The following RPIA variants were observed in gnomAD, a reference collection of about 807,000 sequenced individuals.
RPIA encodes ribose-5-phosphate isomerase.
Under a neutral mutation model 37.8 loss-of-function variants are expected in RPIA, and 29 were observed. The ratio of observed to expected loss-of-function variants is 0.77; its 90% CI spans 0.57 to 1.05. RPIA has a LOEUF of 1.05. Among genes scored for constraint, RPIA ranks in the 50% least tolerant of loss-of-function variants. RPIA has a pLI of 0.00. For synonymous variants in RPIA, 167 were observed against 157.0 expected (o/e 1.06, Z -0.48); for missense variants, 385 against 413.6 (o/e 0.93, Z 0.60).
intron 3 of RPIA, among the ~76,000 whole-genome samples, chr2:88,704,678 T>C (rs1672876542): frequency 1.3e-5 from 2 of 152,056 alleles, no homozygotes; most frequent in Non-Finnish European, 1.5e-5. Flanking sequence ...AAGGGTCATC[T>C]CTCTCACCGC....
At chr2:88,739,420 G>T (rs1472081171) in intron 8 of RPIA, among the ~76,000 whole-genome samples, 1 of 152,130 alleles carries the variant, frequency 6.6e-6, no homozygotes, top group Admixed American at 6.5e-5. Context: ...TAAGGTTGTT[G>T]GGTGGATTAA....
intron 3 of RPIA, among the ~76,000 whole-genome samples, chr2:88,709,929 T>C (rs1356185974): frequency 6.6e-6 from 1 of 152,236 alleles, no homozygotes; most frequent in Non-Finnish European, 1.5e-5. Context: ...TTCTGCCTCG[T>C]CCTGGGGGAC....
chr2:88,723,687 C>T (rs1452510159), intron 3 of RPIA, among the ~76,000 whole-genome samples: 1 of 152,138 alleles, frequency 6.6e-6, no homozygotes, highest in Non-Finnish European at 1.5e-5. Context: ...CCCTGAAAAT[C>T]TGAGACAGGT....
chr2:88,720,786 C>A lies in RPIA; in HGVS notation c.403-8492C>A, dbSNP rs903328321. ...TTGGTGAGAGTGTAAATTAGTTCAA[C>A]CATTGTGGAAGACAGTGTGGCAATT... On this transcript the variant is annotated intron_variant, in intron 3 of 8. Coordinates refer to ENST00000283646, the MANE Select transcript of RPIA (RefSeq NM_144563.3). Among the ~76,000 whole-genome samples, 16 of 152,156 alleles carry A rather than the reference C, an allele frequency of 1.1e-4. No individual in the cohort carries two copies. In the South Asian group the frequency reaches 3.3e-3, roughly 32 times the overall value.
At chr2:88,738,171 T>C (rs980009794) in intron 8 of RPIA, 95 bp downstream of exon 8, 3 of 890,448 alleles carry the variant, frequency 3.4e-6, no homozygotes, top group Non-Finnish European at 1.9e-6. Flanking sequence ...GACATGGGCT[T>C]TGTAAGGCTT....
In RPIA at chr2:88,691,966, G is replaced by A; in HGVS notation, c.268G>A (p.Val90Met). The A allele has an allele frequency of 1.3e-6, 2 of 1,590,320 alleles. No homozygotes were observed. The highest frequency in any genetic ancestry group is 1.3e-5 in the African/African-American group (1 of 74,756). ...EAKKLAGRAA[V>M]ENHVRNNQVL... is the part of the protein sequence containing the mutation. ...CAAGAAGCTGGCGGGCCGCGCGGCT[G>A]TGGAGAACCACGTGAGGGTGAGCAC... Residue 90 changes from valine (V) to methionine (M), a missense_variant, in exon 1 of 9, where the codon GTG (valine) becomes ATG (methionine). Coordinates refer to ENST00000283646, the MANE Select transcript of RPIA (RefSeq NM_144563.3).
At chr2:88,737,763 C>CCT (rs200508688) in intron 7 of RPIA, among the ~76,000 whole-genome samples, 24 of 150,308 alleles carry the variant, frequency 1.6e-4, no homozygotes, top group Admixed American at 4.6e-4. Flanking sequence ...AGGCTTGTAT[C>CCT]CTCTCTCTCT....
At position 88,691,884 on chromosome 2, in the gene RPIA, C is replaced by G. The variant is rs776971381; in HGVS notation, c.186C>G (p.Cys62Trp). The part of the protein sequence containing the change: ...RGGAGNTSTS[C>W]GDSNSICPAP... ...GTGCTGGCAACACAAGCACCAGCTGCGGGGACTCCAACAGCATCTGCCCGG... is the reference window on the plus strand; with the variant it reads ...GTGCTGGCAACACAAGCACCAGCTGGGGGGACTCCAACAGCATCTGCCCGG... The change falls in exon 1 of 9, where the codon TGC becomes TGG. Residue 62 changes from cysteine (C) to tryptophan (W), a missense_variant. Physicochemically the swap from Cys to Trp is radical, Grantham distance 215. Coordinates refer to ENST00000283646, the MANE Select transcript of RPIA (RefSeq NM_144563.3). The G allele has an allele frequency of 6.3e-7, 1 of 1,596,236 alleles. No homozygotes were observed. Among genetic ancestry groups the G allele is most frequent in the South Asian group, 1.1e-5 (1 of 88,310 alleles).
intron 3 of RPIA, among the ~76,000 whole-genome samples, chr2:88,710,055 GT>G (rs888462779): frequency 2.7e-5 from 4 of 150,646 alleles, no homozygotes; most frequent in Non-Finnish European, 5.9e-5. Context: ...CAGTTCTTTT[GT>G]TTTTTTTTGA....
intron 8 of RPIA, among the ~76,000 whole-genome samples, chr2:88,745,519 C>T (rs1024643688): frequency 6.6e-6 from 1 of 152,164 alleles, no homozygotes; most frequent in Non-Finnish European, 1.5e-5. Flanking sequence ...ATGACTGTAT[C>T]TCTTCCTTAT....
intron 2 of RPIA, 97 bp downstream of exon 2, chr2:88,698,641 C>T (rs1357066612): frequency 9.0e-7 from 1 of 1,113,820 alleles, no homozygotes; most frequent in Non-Finnish European, 1.4e-6. Context: ...TGGCATTGCC[C>T]TTTTGGCTTC....
At position 88,750,381 on chromosome 2, in the gene RPIA, G is replaced by A. The variant is rs980560852; in HGVS notation, c.*303G>A. 1 of 418,070 alleles carries A rather than the reference G, an allele frequency of 2.4e-6. No individual in the cohort carries two copies. Among genetic ancestry groups the A allele is most frequent in the Non-Finnish European group, 4.2e-6 (1 of 236,822 alleles). 25.9% of individuals were successfully genotyped at this position (418,070 alleles called of 1,614,324 possible). A position where few individuals can be genotyped will look rare whatever the true frequency, so the allele number is the denominator to read the frequency against. On this transcript the variant is annotated 3_prime_UTR_variant, in exon 9 of 9. Transcript: ENST00000283646. ...CCAAAAAAAAAAAATGAGGTAAACT[G>A]TATTTAAAACCTTTGACTTGAGTCT...
chr2:88,739,060 T>A (rs1032467398), intron 8 of RPIA, among the ~76,000 whole-genome samples: 1 of 152,052 alleles, frequency 6.6e-6, no homozygotes, highest in African/African-American at 2.4e-5. Context: ...AGTGTAGAGA[T>A]GAGTTATGAG....
intron 4 of RPIA, among the ~76,000 whole-genome samples, chr2:88,732,761 AAAAAG>A (rs1673261778): frequency 8.2e-5 from 1 of 12,182 alleles, no homozygotes; most frequent in Non-Finnish European, 1.8e-4. Flanking sequence ...AAAAAAAAAA[AAAAAG>A]AAAATATTAA....
intron 3 of RPIA, among the ~76,000 whole-genome samples, chr2:88,727,506 C>A (rs549356594): frequency 6.6e-6 from 1 of 152,174 alleles, no homozygotes; most frequent in Non-Finnish European, 1.5e-5. Context: ...AGGTGTTAAG[C>A]CTAGTACCCA....
chr2:88,721,571 A>ACCC (rs1156741297), intron 3 of RPIA, among the ~76,000 whole-genome samples: 11 of 22,974 alleles, frequency 4.8e-4, no homozygotes, highest in Non-Finnish European at 7.2e-4. Context: ...ACACACACAC[A>ACCC]CCCCCCCCCC....
In RPIA at chr2:88,723,813, C is replaced by T. The variant is rs552773684; in HGVS notation, c.403-5465C>T. 5.3e-5 allele frequency among the ~76,000 whole-genome samples: 8 copies of T among 152,048 alleles called. 1 individual carries two copies. The highest frequency in any genetic ancestry group is 1.9e-4 in the East Asian group (1 of 5,168). ...GGTCAGAGCACAGTTTGGTTTTGTA[C>T]GTTTTAGGGAGACATGAGGTGTTAA... On this transcript the variant is annotated intron_variant, in intron 3 of 8. Coordinates refer to ENST00000283646, the MANE Select transcript of RPIA (RefSeq NM_144563.3).
In RPIA at chr2:88,750,211, G is replaced by A; in HGVS notation, c.*133G>A. 2 of 663,352 alleles carry A rather than the reference G, an allele frequency of 3.0e-6. No homozygotes were observed. The highest frequency in any genetic ancestry group is 3.1e-5 in the South Asian group (2 of 64,996). The allele number at this position is 663,352 out of a possible 1,614,324, so 41.1% of individuals were successfully genotyped here. A position where few individuals can be genotyped will look rare whatever the true frequency, so the allele number is the denominator to read the frequency against. ...TGGTGGGGGGTGGGGGGAAGAGTGG[G>A]AGGGGGAGTTAAATCCAGTCTTATG... On this transcript the variant is annotated 3_prime_UTR_variant, in exon 9 of 9. Transcript: ENST00000283646.
chr2:88,746,116 T>C (rs1270331144), intron 8 of RPIA, among the ~76,000 whole-genome samples: 1 of 151,322 alleles, frequency 6.6e-6, no homozygotes, highest in East Asian at 1.9e-4. Context: ...AAAATGTGTC[T>C]TTCATTTCCA....
Sources: allele counts gnomAD v4.1 joint callset (sites outside exome capture counted in the v4.1 genomes callset), GRCh38; gene constraint gnomAD v4.1.1; transcripts MANE v1.5; gene names NCBI Gene and HGNC (gene_info 2026-07-23, HGNC 2026-07-21).